GPATCH2: variants seen among roughly 807,000 people sequenced by gnomAD.
The protein encoded by GPATCH2 is G-patch domain containing 2.
In GPATCH2, 51 loss-of-function variants were observed where a neutral mutation model predicts 58.0. The observed-to-expected ratio is 0.88, with a 90% CI of 0.70 to 1.11. The LOEUF (loss-of-function observed/expected upper bound fraction) is 1.11, where lower values mean the gene tolerates loss of function less well. Ranked by LOEUF, GPATCH2 falls within the 50% of genes most tolerant of loss-of-function variation. The probability of loss-of-function intolerance (pLI) is 0.00; values close to 1 mark genes in which losing one functional copy is unlikely to be tolerated. For synonymous variants in GPATCH2, 222 were observed against 218.5 expected (o/e 1.02, Z -0.14); for missense variants, 625 against 652.2 (o/e 0.96, Z 0.45).
At chr1:217,476,794 A>G (rs1030248772) in intron 8 of GPATCH2, among the ~76,000 whole-genome samples, 1 of 152,188 alleles carries the variant, frequency 6.6e-6, no homozygotes, top group African/African-American at 2.4e-5. Flanking sequence ...TTTGAAAGGC[A>G]GTCTATGCCA....
chr1:217,526,871 T>A (rs1571864672), intron 5 of GPATCH2, among the ~76,000 whole-genome samples: 1 of 152,306 alleles, frequency 6.6e-6, no homozygotes, highest in East Asian at 1.9e-4. Context: ...GGCATTTAAT[T>A]CTCACAGGAG....
intron 2 of GPATCH2, 127 bp from the exon 3 acceptor site, chr1:217,614,329 T>C (rs1317381633): frequency 6.5e-6 from 4 of 612,658 alleles, no homozygotes; most frequent in Non-Finnish European, 9.0e-6. Context: ...GAAAATAAGA[T>C]GATTTTTTTT....
In GPATCH2 at chr1:217,520,225, T is replaced by C. The variant is rs115006745; in HGVS notation, c.1099-5336A>G. Among the ~76,000 whole-genome samples the C allele has an allele frequency of 7.2e-3, 1,103 of 152,268 alleles. 14 individuals are homozygous for C. Among genetic ancestry groups the C allele is most frequent in the African/African-American group, 0.025 (1,052 of 41,558 alleles). On this transcript the variant is annotated intron_variant, in intron 5 of 9. Coordinates refer to ENST00000366935, the MANE Select transcript of GPATCH2 (RefSeq NM_018040.5). ...CTAGGGAGAAGTCACTACAAATCCTTACCTACCAGATCTTTTAGTTTCAGA... is the reference window on the plus strand; with the variant it reads ...CTAGGGAGAAGTCACTACAAATCCTCACCTACCAGATCTTTTAGTTTCAGA...
At chr1:217,554,257 C>A (rs969585782) in intron 5 of GPATCH2, among the ~76,000 whole-genome samples, 1 of 152,178 alleles carries the variant, frequency 6.6e-6, no homozygotes, top group African/African-American at 2.4e-5. Flanking sequence ...ACAGAAAGTT[C>A]AAGATAGTGG....
rs564770082 is a variant in GPATCH2, at chr1:217,428,998, G to A, written c.*2147C>T. On this transcript the variant is annotated 3_prime_UTR_variant, in exon 10 of 10. Coordinates refer to ENST00000366935, the MANE Select transcript of GPATCH2 (RefSeq NM_018040.5). ...AAAGAACAGCCAAGTCCTCAGGAGT[G>A]TGGAACCAGGCTAACAATGACCTCA... is the stretch of plus-strand genomic sequence containing the variant. 1.3e-5 allele frequency: 2 copies of A among 152,280 alleles called. No individual in the cohort carries two copies. The allele number at this position is 152,280 out of a possible 1,614,324, so 9.4% of individuals were successfully genotyped here.
At chr1:217,629,749 T>A (rs1470621234) in intron 1 of GPATCH2, among the ~76,000 whole-genome samples, 2 of 152,236 alleles carry the variant, frequency 1.3e-5, no homozygotes, top group African/African-American at 4.8e-5. Context: ...CATTAAAAAC[T>A]GGTTCATTTA....
chr1:217,455,678 G>C (rs1036208110), intron 8 of GPATCH2, among the ~76,000 whole-genome samples: 11 of 152,028 alleles, frequency 7.2e-5, no homozygotes, highest in African/African-American at 2.7e-4. Context: ...CAGGAGACAG[G>C]GAAACACTAG....
chr1:217,600,653 T>C (rs941320398), intron 5 of GPATCH2, among the ~76,000 whole-genome samples: 1 of 152,100 alleles, frequency 6.6e-6, no homozygotes, highest in Admixed American at 6.6e-5. Flanking sequence ...AGCATTTCTG[T>C]TTCCCTGATT....
chr1:217,530,445 T>C lies in GPATCH2; in HGVS notation c.1099-15556A>G, dbSNP rs190419841. On this transcript the variant is annotated intron_variant, in intron 5 of 9. Transcript: ENST00000366935. ...AGCTATTATTATTTGTATTAATTGT[T>C]TCACAGTCTAATGCAAAGTACAATC... Among the ~76,000 whole-genome samples the C allele has an allele frequency of 2.6e-5, 4 of 152,322 alleles. No homozygotes were observed. The East Asian group carries it at 7.7e-4, about 29-fold the overall frequency.
intron 8 of GPATCH2, among the ~76,000 whole-genome samples, chr1:217,485,870 GA>G (rs1661430411): frequency 1.3e-5 from 2 of 152,192 alleles, no homozygotes; most frequent in African/African-American, 4.8e-5. Flanking sequence ...TCATATATGT[GA>G]TCCGTCACTG....
chr1:217,620,208 G>A lies in GPATCH2; in HGVS notation c.348C>T (p.Asp116=). 2 of 1,613,970 alleles carry A rather than the reference G, an allele frequency of 1.2e-6. No individual in the cohort carries two copies. The highest frequency in any genetic ancestry group is 1.7e-6 in the Non-Finnish European group (2 of 1,179,876). ...NHNNNKKDHS[D]SDDQMLVAKR... ...TTGCTACTAACATTTGGTCATCAGA[G>A]TCACTGTGATCTTTTTTATTATTAT... The change falls in exon 2 of 10, where the codon GAC becomes GAT. Residue 116 remains aspartate, a synonymous_variant. Transcript: ENST00000366935.
rs1658407223 is a variant in GPATCH2, at chr1:217,428,591, G to A, written c.*2554C>T. The A allele has an allele frequency of 6.6e-6, 1 of 152,190 alleles. No individual in the cohort carries two copies. The highest frequency in any genetic ancestry group is 1.5e-5 in the Non-Finnish European group (1 of 68,054). 9.4% of individuals were successfully genotyped at this position (152,190 alleles called of 1,614,324 possible). ...TAGAAGTATGGGGGAAGCTTGGGAT[G>A]TTATCACTTCTCTGCTTTGAGTGCT... is the stretch of plus-strand genomic sequence containing the variant. On this transcript the variant is annotated 3_prime_UTR_variant, in exon 10 of 10. Coordinates refer to ENST00000366935, the MANE Select transcript of GPATCH2 (RefSeq NM_018040.5).
At chr1:217,567,342 A>C (rs1185228122) in intron 5 of GPATCH2, among the ~76,000 whole-genome samples, 1 of 152,130 alleles carries the variant, frequency 6.6e-6, no homozygotes, top group Non-Finnish European at 1.5e-5. Flanking sequence ...CACCGCACCC[A>C]GCCTAAATAT....
At chr1:217,524,286 C>A (rs1663689368) in intron 5 of GPATCH2, among the ~76,000 whole-genome samples, 1 of 151,502 alleles carries the variant, frequency 6.6e-6, no homozygotes, top group African/African-American at 2.4e-5. Flanking sequence ...AGACGCTCCT[C>A]ACTTCCTAGA....
intron 5 of GPATCH2, among the ~76,000 whole-genome samples, chr1:217,525,209 T>C (rs1272689432): frequency 6.6e-6 from 1 of 151,892 alleles, no homozygotes; most frequent in Non-Finnish European, 1.5e-5. Context: ...ATTTCAGAAT[T>C]CAGTCCCATT....
intron 5 of GPATCH2, among the ~76,000 whole-genome samples, chr1:217,520,613 G>A (rs949804886): frequency 6.6e-6 from 1 of 152,008 alleles, no homozygotes; most frequent in South Asian, 2.1e-4. Context: ...GGGTGAAACT[G>A]ATTATTTTTA....
intron 5 of GPATCH2, among the ~76,000 whole-genome samples, chr1:217,574,637 A>G (rs1247934571): frequency 6.6e-6 from 1 of 152,236 alleles, no homozygotes; most frequent in Non-Finnish European, 1.5e-5. Flanking sequence ...TCATGTTGCT[A>G]AGTACTTTAC....
rs1392587216 is a variant in GPATCH2 at position 217,514,773 on chromosome 1, G to A, written c.1166+49C>T. On this transcript the variant is annotated intron_variant, in intron 6 of 9. Coordinates refer to ENST00000366935, the MANE Select transcript of GPATCH2 (RefSeq NM_018040.5). ...TAGTAGCTAATAATTTCCCAAAAGA[G>A]CTAAGTAGAATACTCCAATAAGGTT... 3.6e-6 allele frequency: 3 copies of A among 822,214 alleles called. No homozygotes were observed. In the Admixed American group the frequency reaches 5.8e-5, roughly 16 times the overall value. 50.9% of individuals were successfully genotyped at this position (822,214 alleles called of 1,614,324 possible).
intron 5 of GPATCH2, among the ~76,000 whole-genome samples, chr1:217,569,333 G>C (rs565163203): frequency 6.6e-6 from 1 of 152,166 alleles, no homozygotes; most frequent in African/African-American, 2.4e-5. Flanking sequence ...TTGTCATTAA[G>C]TAAGCAAGCA....
Sources: allele counts gnomAD v4.1 joint callset (sites outside exome capture counted in the v4.1 genomes callset), GRCh38; gene constraint gnomAD v4.1.1; transcripts MANE v1.5; gene names NCBI Gene and HGNC (gene_info 2026-07-23, HGNC 2026-07-21).